Variants in BSDC1 observed in about 807,000 individuals in gnomAD.
The protein encoded by BSDC1 is BSD domain containing 1.
Under a neutral mutation model 56.0 loss-of-function variants are expected in BSDC1, and 29 were observed. That is an observed-to-expected ratio of 0.52 (90% CI 0.39 to 0.71). The LOEUF is 0.71. Among genes scored for constraint, BSDC1 ranks in the 30% least tolerant of loss-of-function variants. BSDC1 has a pLI of 0.00. For missense variants in BSDC1, 477 were observed against 548.5 expected, an observed-to-expected ratio of 0.87 and a Z score of 1.30; for synonymous variants, 210 against 215.3, an observed-to-expected ratio of 0.98 and a Z score of 0.21.
intron 4 of BSDC1, among the ~76,000 whole-genome samples, chr1:32,382,149 C>A (rs1039034916): frequency 8.6e-5 from 13 of 151,646 alleles, no homozygotes; most frequent in Non-Finnish European, 1.9e-4. Flanking sequence ...ATCGCTTGAA[C>A]CCAGGAGGTG....
chr1:32,383,933 A>G lies in BSDC1; in HGVS notation c.254T>C (p.Ile85Thr). ...TGGCGAAGGGGCAAAGGTGTCTGAG[A>G]TCACCCCTAGGAAGTCAGATAACCC... is the stretch of plus-strand genomic sequence containing the variant. ...KKGLSDFLGVISDTFAPSPDK... is the reference protein window; with the variant it reads ...KKGLSDFLGVTSDTFAPSPDK... Residue 85 changes from isoleucine (I) to threonine (T), a missense_variant, in exon 4 of 11, where the codon ATC (isoleucine) becomes ACC (threonine). By Grantham distance (89) the Ile-to-Thr change is moderately conservative (BLOSUM62 -1). Transcript: ENST00000455895. 1 of 1,612,834 alleles carries G rather than the reference A, an allele frequency of 6.2e-7. No individual in the cohort carries two copies. Among genetic ancestry groups the G allele is most frequent in the Non-Finnish European group, 8.5e-7 (1 of 1,180,022 alleles).
intron 10 of BSDC1, chr1:32,367,221 C>G: frequency 1.0e-6 from 1 of 985,492 alleles, no homozygotes; most frequent in Non-Finnish European, 1.2e-6. Context: ...CCCCACGGAA[C>G]GTTTTCTTGC....
chr1:32,379,048 T>C (rs757822420), intron 5 of BSDC1, among the ~76,000 whole-genome samples: 1 of 152,202 alleles, frequency 6.6e-6, no homozygotes, highest in Non-Finnish European at 1.5e-5. Flanking sequence ...CATTTTCTCA[T>C]ATCCCTGCTG....
At chr1:32,377,903 G>A in intron 8 of BSDC1, 67 bp downstream of exon 8, 1 of 1,479,960 alleles carries the variant, frequency 6.8e-7, no homozygotes. Flanking sequence ...GCTTCAGAGA[G>A]CATGGCCCAG....
In BSDC1 at chr1:32,366,583, G is replaced by C; in HGVS notation, c.*39C>G. On this transcript the variant is annotated 3_prime_UTR_variant, in exon 11 of 11. Coordinates refer to ENST00000455895, the MANE Select transcript of BSDC1 (RefSeq NM_018045.8). Reference sequence around the variant, plus strand: ...GGGCTGAGACGAGCGAGGGAGGCGAGAGATGCCATGGGTGGGGGAGCTGCT... The same window carrying C: ...GGGCTGAGACGAGCGAGGGAGGCGACAGATGCCATGGGTGGGGGAGCTGCT... The C allele has an allele frequency of 1.3e-6, 2 of 1,504,070 alleles. No homozygotes were observed. Among genetic ancestry groups the C allele is most frequent in the Non-Finnish European group, 1.8e-6 (2 of 1,107,518 alleles). 93.2% of individuals were successfully genotyped at this position (1,504,070 alleles called of 1,614,324 possible).
rs1642686000 is a variant in BSDC1 at position 32,386,780 on chromosome 1, G to A, written c.188C>T (p.Ala63Val). 3 of 1,612,684 alleles carry A rather than the reference G, an allele frequency of 1.9e-6. No homozygotes were observed. The South Asian group carries it at 3.3e-5, about 18-fold the overall frequency. The change falls in exon 3 of 11, where the codon GCT becomes GTT. Residue 63 changes from alanine (A) to valine (V), a missense_variant and splice_region_variant. By Grantham distance (64) the Ala-to-Val change is moderately conservative. Transcript: ENST00000455895. ...ATASVVKEKLATEGSSGATEK... is the reference protein window; with the variant it reads ...ATASVVKEKLVTEGSSGATEK... ...TGGGAGGGTTTGGGTGGTACTCACA[G>A]CCAGCTTCTCCTTGACCACGCTGGC...
chr1:32,381,346 T>C (rs1642472884), intron 4 of BSDC1, 78 bp from the exon 5 acceptor site: 1 of 1,382,424 alleles, frequency 7.2e-7, no homozygotes, highest in Non-Finnish European at 1.0e-6. Context: ...GCCAGGATAC[T>C]CAGTCAACCA....
At chr1:32,376,153 CG>C (rs1557641558) in intron 9 of BSDC1, 108 bp downstream of exon 9, 12 of 1,264,368 alleles carry the variant, frequency 9.5e-6, no homozygotes, top group Admixed American at 2.7e-5. Flanking sequence ...TTATCAGAAA[CG>C]AAAAAAAATC....
intron 10 of BSDC1, chr1:32,368,032 CTTT>C (rs74259836): frequency 4.3e-4 from 441 of 1,023,774 alleles, no homozygotes; most frequent in East Asian, 1.8e-3. Flanking sequence ...TTCTTTTTTC[CTTT>C]TTTTTTTTTT....
At chr1:32,369,879 G>A (rs1200836497) in intron 9 of BSDC1, among the ~76,000 whole-genome samples, 1 of 152,158 alleles carries the variant, frequency 6.6e-6, no homozygotes, top group African/African-American at 2.4e-5. Flanking sequence ...TGCAACCTCC[G>A]CCTCCTGGGT....
chr1:32,394,371 C>A, intron 1 of BSDC1, 33 bp downstream of exon 1: 2 of 1,614,142 alleles, frequency 1.2e-6, no homozygotes, highest in South Asian at 1.1e-5. Flanking sequence ...AGAATTCAGG[C>A]CCCAACGCCT....
chr1:32,391,596 C>T (rs1173313720), intron 2 of BSDC1, among the ~76,000 whole-genome samples: 1 of 152,214 alleles, frequency 6.6e-6, no homozygotes, highest in African/African-American at 2.4e-5. Flanking sequence ...CTTTCTCTAT[C>T]AACGTGTATG....
intron 9 of BSDC1, among the ~76,000 whole-genome samples, chr1:32,371,864 G>C (rs1642103014): frequency 6.6e-6 from 1 of 152,024 alleles, no homozygotes. Flanking sequence ...GTAGTCTTGG[G>C]CAAATTATTG....
chr1:32,375,809 T>C (rs1570119846), intron 9 of BSDC1, among the ~76,000 whole-genome samples: 2 of 152,198 alleles, frequency 1.3e-5, no homozygotes, highest in East Asian at 3.8e-4. Flanking sequence ...TAAGGTTAAA[T>C]TGTCCAAAAA....
At chr1:32,386,652 G>A (rs1642682034) in intron 3 of BSDC1, 127 bp downstream of exon 3, 4 of 564,906 alleles carry the variant, frequency 7.1e-6, no homozygotes, top group Middle Eastern at 3.5e-4. Context: ...TTCAAAATGG[G>A]AGGAAAAGTA....
At chr1:32,366,850 G>A in intron 10 of BSDC1, 196 bp from the exon 11 acceptor site, 1 of 1,320,876 alleles carries the variant, frequency 7.6e-7, no homozygotes, top group South Asian at 2.5e-5. Flanking sequence ...CCTGAGGGGT[G>A]GGCCTGATGC....
intron 2 of BSDC1, among the ~76,000 whole-genome samples, chr1:32,390,323 T>A (rs1256885414): frequency 6.6e-6 from 1 of 151,848 alleles, no homozygotes; most frequent in Admixed American, 6.6e-5. Flanking sequence ...AAAATGTGAG[T>A]AAGGACAATG....
chr1:32,378,177 G>A lies in BSDC1; in HGVS notation c.597+38C>T, dbSNP rs374773298. ...CAATAAATCCAGCCTGCTTCCCCCA[G>A]GGTTGAGTGGGGACCTCCCCATGCT... On this transcript the variant is annotated intron_variant, in intron 7 of 10. Transcript: ENST00000455895. The surrounding 1 kb of genome is among the most constrained non-coding windows in gnomAD (Gnocchi z 5.2). 3.1e-6 allele frequency: 5 copies of A among 1,610,232 alleles called. No individual in the cohort carries two copies. Among genetic ancestry groups the A allele is most frequent in the South Asian group, 1.1e-5 (1 of 91,006 alleles).
chr1:32,367,765 CTAA>C, intron 10 of BSDC1: 1 of 917,794 alleles, frequency 1.1e-6, no homozygotes, highest in Non-Finnish European at 1.3e-6. Flanking sequence ...GGGTTTATCA[CTAA>C]TGTCTCCTGA....
Sources: allele counts gnomAD v4.1 joint callset (sites outside exome capture counted in the v4.1 genomes callset), GRCh38; gene constraint gnomAD v4.1.1; non-coding constraint Gnocchi (gnomAD v3.1); transcripts MANE v1.5; gene names NCBI Gene and HGNC (gene_info 2026-07-23, HGNC 2026-07-21).